CCDC91: variants seen among roughly 807,000 people sequenced by gnomAD.
CCDC91 encodes the protein coiled-coil domain-containing protein 91.
Under a neutral mutation model 63.2 loss-of-function variants are expected in CCDC91, and 48 were observed. The ratio of observed to expected loss-of-function variants is 0.76; its 90% confidence interval spans 0.60 to 0.97. The LOEUF (loss-of-function observed/expected upper bound fraction) is 0.97. Ranked by LOEUF, CCDC91 falls within the 50% of genes least tolerant of loss-of-function variation. CCDC91 has a pLI of 0.00. For synonymous variants in CCDC91, 167 were observed against 165.8 expected (o/e 1.01, Z -0.06); for missense variants, 500 against 494.6 (o/e 1.01, Z -0.10).
intron 8 of CCDC91, among the ~76,000 whole-genome samples, chr12:28,392,458 T>A (rs1946010513): frequency 6.6e-6 from 1 of 152,220 alleles, no homozygotes; most frequent in Non-Finnish European, 1.5e-5. Context: ...CATTACCTGA[T>A]ACAATTTCGA....
chr12:28,227,405 C>G (rs919219391), intron 1 of CCDC91, among the ~76,000 whole-genome samples: 2 of 152,038 alleles, frequency 1.3e-5, no homozygotes, highest in Admixed American at 6.6e-5. Context: ...TTGGTGATTT[C>G]TAAATATGTT....
chr12:28,309,529 C>T (rs1352722487), intron 6 of CCDC91, among the ~76,000 whole-genome samples: 2 of 151,956 alleles, frequency 1.3e-5, no homozygotes, highest in Non-Finnish European at 2.9e-5. Flanking sequence ...CTTATTCATT[C>T]GGTCTTATAG....
At chr12:28,301,606 T>G (rs1938088018) in intron 3 of CCDC91, among the ~76,000 whole-genome samples, 1 of 151,716 alleles carries the variant, frequency 6.6e-6, no homozygotes, top group Non-Finnish European at 1.5e-5. Flanking sequence ...TTCCTTCATT[T>G]TCAGTGTTCT....
chr12:28,447,006 T>C (rs754956154), intron 8 of CCDC91, among the ~76,000 whole-genome samples: 40 of 152,188 alleles, frequency 2.6e-4, no homozygotes, highest in Non-Finnish European at 4.6e-4. Flanking sequence ...TTGCCCGTTG[T>C]CCTGTTATTG....
chr12:28,338,615 T>C (rs188533296), intron 6 of CCDC91, among the ~76,000 whole-genome samples: 1 of 152,170 alleles, frequency 6.6e-6, no homozygotes, highest in Non-Finnish European at 1.5e-5. Context: ...TTTACTCTTA[T>C]TGACGTAGAA....
chr12:28,534,753 G>A (rs1381947769), intron 12 of CCDC91, among the ~76,000 whole-genome samples: 2 of 152,076 alleles, frequency 1.3e-5, no homozygotes, highest in Non-Finnish European at 2.9e-5. Context: ...GGTACTCCTA[G>A]CTCTAATGCT....
At chr12:28,415,228 T>A (rs1947567208) in intron 8 of CCDC91, among the ~76,000 whole-genome samples, 1 of 51,032 alleles carries the variant, frequency 2.0e-5, no homozygotes, top group Non-Finnish European at 5.0e-5. Flanking sequence ...GTAAAGCGGA[T>A]TTTTTTTTTT....
intron 8 of CCDC91, among the ~76,000 whole-genome samples, chr12:28,441,075 AAAAAAAAAAG>A (rs1206315883): frequency 3.7e-5 from 1 of 27,136 alleles, no homozygotes; most frequent in Non-Finnish European, 8.3e-5. Context: ...AAAAAAAAAA[AAAAAAAAAAG>A]AAAAGAAAAA....
intron 3 of CCDC91, among the ~76,000 whole-genome samples, chr12:28,288,818 T>A (rs1949054487): frequency 6.6e-6 from 1 of 152,118 alleles, no homozygotes; most frequent in East Asian, 1.9e-4. Context: ...GTCCTGGGCT[T>A]TTATTGGTTG....
chr12:28,407,951 C>T (rs9706002), intron 8 of CCDC91, among the ~76,000 whole-genome samples: 60,266 of 113,610 alleles, frequency 0.53, 12,749 homozygotes, highest in Middle Eastern at 0.61. Context: ...TAGATATATA[C>T]ATATATATAT....
chr12:28,298,735 AAAC>A lies in CCDC91; in HGVS notation c.110-6896_110-6894del, dbSNP rs1272447052. On this transcript the variant is annotated intron_variant, in intron 3 of 12. Transcript: ENST00000536442. ...GCATTTCCTTGATTTTGTAAAAAAAAAACAACAACAACAACAACAAAAAATTGT... is the reference window on the plus strand; with the variant it reads ...GCATTTCCTTGATTTTGTAAAAAAAAAACAACAACAACAACAAAAAATTGT... Among the ~76,000 whole-genome samples, 989 of 138,102 alleles carry A rather than the reference AAAC, an allele frequency of 7.2e-3. 8 individuals are homozygous for A. The highest frequency in any genetic ancestry group is 0.021 in the African/African-American group (846 of 40,604). 90.6% of individuals were successfully genotyped at this position (138,102 alleles called of 152,430 possible).
chr12:28,233,515 T>A (rs1944743353), intron 1 of CCDC91, among the ~76,000 whole-genome samples: 1 of 152,202 alleles, frequency 6.6e-6, no homozygotes. Context: ...GAAGAATCTA[T>A]GTAAAGTGAC....
intron 7 of CCDC91, among the ~76,000 whole-genome samples, chr12:28,374,902 C>T (rs1944849180): frequency 6.6e-6 from 1 of 152,016 alleles, no homozygotes; most frequent in Non-Finnish European, 1.5e-5. Flanking sequence ...TTATTATGTT[C>T]TATTAGGCCT....
chr12:28,519,189 T>A (rs1940302156), intron 12 of CCDC91, among the ~76,000 whole-genome samples: 1 of 152,114 alleles, frequency 6.6e-6, no homozygotes, highest in South Asian at 2.1e-4. Context: ...GCATGGAATG[T>A]ATTTCCATTT....
At chr12:28,251,410 T>C (rs1258601978) in intron 1 of CCDC91, among the ~76,000 whole-genome samples, 4 of 152,054 alleles carry the variant, frequency 2.6e-5, no homozygotes, top group African/African-American at 9.6e-5. Flanking sequence ...TGAAAAATCC[T>C]AATTTATTTG....
intron 3 of CCDC91, among the ~76,000 whole-genome samples, chr12:28,265,918 C>A (rs1379253971): frequency 6.6e-6 from 1 of 152,040 alleles, no homozygotes; most frequent in Non-Finnish European, 1.5e-5. Flanking sequence ...TTTGTCAGGA[C>A]ATAAACCAGA....
At chr12:28,411,795 A>G (rs1050053414) in intron 8 of CCDC91, among the ~76,000 whole-genome samples, 1 of 152,214 alleles carries the variant, frequency 6.6e-6, no homozygotes, top group Non-Finnish European at 1.5e-5. Flanking sequence ...TCTAAAATGA[A>G]AAAAGAAACC....
At chr12:28,532,209 G>A (rs1363566151) in intron 12 of CCDC91, among the ~76,000 whole-genome samples, 1 of 152,078 alleles carries the variant, frequency 6.6e-6, no homozygotes, top group African/African-American at 2.4e-5. Flanking sequence ...TTTATGAGAT[G>A]AAGTAAAAAA....
At chr12:28,274,269 T>G (rs1948023773) in intron 3 of CCDC91, among the ~76,000 whole-genome samples, 1 of 152,186 alleles carries the variant, frequency 6.6e-6, no homozygotes, top group African/African-American at 2.4e-5. Flanking sequence ...TGAAGTCAGG[T>G]AGCATGATGC....
Sources: gnomAD v4.1 joint callset for allele counts (sites outside exome capture counted in the v4.1 genomes callset) on GRCh38, gnomAD v4.1.1 for gene constraint, MANE v1.5 for transcripts, NCBI Gene and HGNC (gene_info 2026-07-23, HGNC 2026-07-21) for gene names.